PHACTR3: variants seen among roughly 807,000 people sequenced by gnomAD.
PHACTR3 encodes protein phosphatase 1, regulatory subunit 123.
Under a neutral mutation model 66.8 loss-of-function variants are expected in PHACTR3, and 16 were observed. The ratio of observed to expected loss-of-function variants is 0.24; its 90% confidence interval spans 0.16 to 0.36. PHACTR3 has a LOEUF of 0.36. Among genes scored for constraint, PHACTR3 ranks in the 10% least tolerant of loss-of-function variants. The pLI, the probability that PHACTR3 is intolerant of heterozygous loss-of-function variation, is 1.00. For missense variants in PHACTR3, 647 were observed against 719.9 expected, an observed-to-expected ratio of 0.90 and a Z score of 1.16; for synonymous variants, 323 against 292.1, an observed-to-expected ratio of 1.11 and a Z score of -1.08.
At chr20:59,784,574 T>C (rs943493910) in intron 7 of PHACTR3, among the ~76,000 whole-genome samples, 3 of 152,052 alleles carry the variant, frequency 2.0e-5, no homozygotes, top group Non-Finnish European at 4.4e-5. Flanking sequence ...ACGCGTGAGG[T>C]GCACAGGGTA....
chr20:59,845,077 A>T, intron 11 of PHACTR3, 112 bp from the exon 12 acceptor site: 1 of 646,666 alleles, frequency 1.5e-6, no homozygotes, highest in African/African-American at 1.9e-5. Flanking sequence ...TTTTTTCTGT[A>T]TATTACATAA....
At chr20:59,676,874 T>A in intron 1 of PHACTR3, 2 of 244,064 alleles carry the variant, frequency 8.2e-6, no homozygotes, top group Non-Finnish European at 1.2e-5. Context: ...AGCAGGGCCC[T>A]AAGAGAATGG....
intron 1 of PHACTR3, among the ~76,000 whole-genome samples, chr20:59,692,519 G>A (rs926894743): frequency 1.3e-5 from 2 of 152,230 alleles, no homozygotes; most frequent in African/African-American, 4.8e-5. Flanking sequence ...TGCTTCTAGT[G>A]ATGCAAGCAA....
chr20:59,708,427 C>T (rs577342038), intron 1 of PHACTR3, among the ~76,000 whole-genome samples: 1 of 152,294 alleles, frequency 6.6e-6, no homozygotes, highest in South Asian at 2.1e-4. Flanking sequence ...GAGAACCGTG[C>T]CCTGGCTGGG....
At chr20:59,794,475 A>G (rs1181931167) in intron 7 of PHACTR3, among the ~76,000 whole-genome samples, 1 of 152,144 alleles carries the variant, frequency 6.6e-6, no homozygotes, top group African/African-American at 2.4e-5. Flanking sequence ...TTTTATATCT[A>G]TGTTCATCAG....
At chr20:59,633,864 A>G (rs1326848614) in intron 1 of PHACTR3, among the ~76,000 whole-genome samples, 1 of 152,186 alleles carries the variant, frequency 6.6e-6, no homozygotes, top group African/African-American at 2.4e-5. Context: ...GGATAACACA[A>G]TTAATTATTT....
At chr20:59,665,069 T>C (rs2035939996) in intron 1 of PHACTR3, among the ~76,000 whole-genome samples, 1 of 152,228 alleles carries the variant, frequency 6.6e-6, no homozygotes, top group Non-Finnish European at 1.5e-5. Flanking sequence ...TTCCAAGTAG[T>C]CTAAATTGAA....
At chr20:59,822,909 G>A (rs761745082) in intron 8 of PHACTR3, among the ~76,000 whole-genome samples, 5 of 152,202 alleles carry the variant, frequency 3.3e-5, no homozygotes, top group African/African-American at 1.2e-4. Flanking sequence ...GTGCATGGGA[G>A]TGACCCTGGA....
At position 59,824,758 on chromosome 20, in the gene PHACTR3, C is replaced by G. The variant is rs750730987; in HGVS notation, c.1329-11747C>G. 8.6e-4 allele frequency among the ~76,000 whole-genome samples: 131 copies of G among 152,310 alleles called. 1 individual carries two copies. Among genetic ancestry groups the G allele is most frequent in the Admixed American group, 3.3e-3 (51 of 15,308 alleles). ...GAGCATTGACCACCAGGGAATGCCC[C>G]TGATTGACAGCCCCACCAGTGGGGG... On this transcript the variant is annotated intron_variant, in intron 8 of 12. Transcript: ENST00000371015.
chr20:59,619,880 T>A (rs763913252), intron 1 of PHACTR3, among the ~76,000 whole-genome samples: 3 of 152,224 alleles, frequency 2.0e-5, no homozygotes, highest in Non-Finnish European at 4.4e-5. Flanking sequence ...TGCTGTGTGC[T>A]GCCTCGGTTT....
chr20:59,828,697 A>C (rs2042262792), intron 8 of PHACTR3, among the ~76,000 whole-genome samples: 1 of 151,786 alleles, frequency 6.6e-6, no homozygotes, highest in Non-Finnish European at 1.5e-5. Context: ...ATCACCCGGC[A>C]TGGAGTTTTG....
intron 1 of PHACTR3, among the ~76,000 whole-genome samples, chr20:59,737,382 C>T (rs2038982487): frequency 6.6e-6 from 1 of 152,196 alleles, no homozygotes; most frequent in Non-Finnish European, 1.5e-5. Context: ...GATACAGCTG[C>T]AAACATCCAT....
intron 7 of PHACTR3, among the ~76,000 whole-genome samples, chr20:59,784,839 A>G (rs983266181): frequency 6.6e-6 from 1 of 152,178 alleles, no homozygotes; most frequent in African/African-American, 2.4e-5. Context: ...AACGCATTCA[A>G]AGGCTGCCTC....
chr20:59,771,306 C>T (rs556281987), intron 5 of PHACTR3, among the ~76,000 whole-genome samples: 1 of 152,182 alleles, frequency 6.6e-6, no homozygotes, highest in Admixed American at 6.5e-5. Context: ...CCTGCGTGTG[C>T]TCAGGAGTGG....
chr20:59,743,341 G>A (rs2039244758), intron 2 of PHACTR3, 73 bp downstream of exon 2: 4 of 1,558,838 alleles, frequency 2.6e-6, no homozygotes, highest in African/African-American at 1.4e-5. Flanking sequence ...TGCGGCCCCT[G>A]CTGATCTGTG....
chr20:59,668,624 C>T (rs2036080565), intron 1 of PHACTR3, among the ~76,000 whole-genome samples: 1 of 152,206 alleles, frequency 6.6e-6, no homozygotes, highest in Non-Finnish European at 1.5e-5. Flanking sequence ...AAAGCTCCTT[C>T]CAGTTAGGCA....
rs546399669 is a variant in PHACTR3, at chr20:59,578,999, G to T, written c.109+1382G>T. On this transcript the variant is annotated intron_variant, in intron 1 of 12. Transcript: ENST00000359926. ...CTCTAGGGTGCTCCCCTCTAATGGG[G>T]CAGAAGCCCCTCCCCCAGTGCCTGC... Among the ~76,000 whole-genome samples, 9 of 152,316 alleles carry T rather than the reference G, an allele frequency of 5.9e-5. No homozygotes were observed. The South Asian group carries it at 1.9e-3, about 32-fold the overall frequency.
At chr20:59,821,036 CCA>C (rs1410279088) in intron 8 of PHACTR3, among the ~76,000 whole-genome samples, 1 of 152,162 alleles carries the variant, frequency 6.6e-6, no homozygotes, top group Non-Finnish European at 1.5e-5. Flanking sequence ...AAGAGCACAA[CCA>C]TAGCTCACTA....
intron 1 of PHACTR3, among the ~76,000 whole-genome samples, chr20:59,705,922 T>G (rs1340552733): frequency 6.6e-6 from 1 of 152,198 alleles, no homozygotes; most frequent in Non-Finnish European, 1.5e-5. Flanking sequence ...CCAGTTACTC[T>G]TTGAGCCAAG....
Sources: gnomAD v4.1 joint callset for allele counts (sites outside exome capture counted in the v4.1 genomes callset) on GRCh38, gnomAD v4.1.1 for gene constraint, MANE v1.5 for transcripts, NCBI Gene and HGNC (gene_info 2026-07-23, HGNC 2026-07-21) for gene names.